SYNE1: variants seen among roughly 807,000 people sequenced by gnomAD.
SYNE1 encodes spectrin repeat containing nuclear envelope protein 1.
Under a neutral mutation model 1,111.0 loss-of-function variants are expected in SYNE1, and 616 were observed. The ratio of observed to expected loss-of-function variants is 0.55; its 90% CI spans 0.52 to 0.59. The LOEUF is 0.59. Among genes scored for constraint, SYNE1 ranks in the 20% least tolerant of loss-of-function variants. SYNE1 has a pLI of 0.00. For synonymous variants in SYNE1, 3,855 were observed against 3,825.8 expected (o/e 1.01, Z -0.28); for missense variants, 10,006 against 10,417.0 (o/e 0.96, Z 1.72).
intron 19 of SYNE1, 98 bp from the exon 20 acceptor site, chr6:152,462,988 C>G: frequency 7.0e-7 from 1 of 1,423,438 alleles, no homozygotes; most frequent in Non-Finnish European, 9.8e-7. Context: ...GAATTGTTAT[C>G]CGGTAAGAAA....
chr6:152,406,881 T>C lies in SYNE1; in HGVS notation c.6723+133A>G, dbSNP rs1261981742. The C allele has an allele frequency of 1.2e-5, 6 of 520,766 alleles. No homozygotes were observed. The African/African-American group carries it at 1.3e-4, about 11-fold the overall frequency. The allele number at this position is 520,766 out of a possible 1,614,324, so 32.3% of individuals were successfully genotyped here. On this transcript the variant is annotated intron_variant, in intron 45 of 145. Transcript: ENST00000367255. ...AGCAAAACTTTGCCTAAAATAATAA[T>C]AATATAATAATAAAATAAAATAAAA...
chr6:152,473,919 C>T (rs1165337279), intron 14 of SYNE1, among the ~76,000 whole-genome samples: 1 of 152,138 alleles, frequency 6.6e-6, no homozygotes, highest in Non-Finnish European at 1.5e-5. Context: ...GGTGTGGTGG[C>T]TCATGTCTGT....
chr6:152,269,536 T>C lies in SYNE1; in HGVS notation c.18574-250A>G, dbSNP rs142203928. Among the ~76,000 whole-genome samples, 1,126 of 152,334 alleles carry C rather than the reference T, an allele frequency of 7.4e-3. 14 individuals are homozygous for C. Among genetic ancestry groups the C allele is most frequent in the African/African-American group, 0.025 (1,046 of 41,574 alleles). On this transcript the variant is annotated intron_variant, in intron 98 of 145. Coordinates refer to ENST00000367255, the MANE Select transcript of SYNE1 (RefSeq NM_182961.4). The stretch of plus-strand genomic sequence containing the variant: ...GGGGAAAACCCATATATTTAGAGGT[T>C]AGTCTTTTAGCTGACCAATGTGGTC...
At chr6:152,131,815 G>T (rs541187788) in intron 144 of SYNE1, among the ~76,000 whole-genome samples, 1 of 152,192 alleles carries the variant, frequency 6.6e-6, no homozygotes, top group African/African-American at 2.4e-5. Context: ...CTTGAAGAAA[G>T]GAGCCACCAA....
At chr6:152,183,660 C>A (rs1281201045) in intron 128 of SYNE1, among the ~76,000 whole-genome samples, 12 of 152,314 alleles carry the variant, frequency 7.9e-5, no homozygotes, top group African/African-American at 2.9e-4. Context: ...ACTCCTTACA[C>A]TGCCCCCGAA....
rs560211382 is a variant in SYNE1 at position 152,380,959 on chromosome 6, C to T, written c.9009+47G>A. On this transcript the variant is annotated intron_variant, in intron 56 of 145. Transcript: ENST00000367255. Reference sequence around the variant, plus strand: ...TTTTAAGGAATGATGAAAGTCAAAACATTTTTTAAAGCATAACCACCAATA... The same window carrying T: ...TTTTAAGGAATGATGAAAGTCAAAATATTTTTTAAAGCATAACCACCAATA... 1.2e-4 allele frequency: 189 copies of T among 1,580,962 alleles called. 4 individuals carry two copies. In the South Asian group the frequency reaches 2.0e-3, roughly 17 times the overall value.
In SYNE1 at chr6:152,168,328, G is replaced by T. The variant is rs1463773319; in HGVS notation, c.23628-4003C>A. The T allele has an allele frequency of 5.0e-6, 3 of 598,782 alleles. No homozygotes were observed. In the East Asian group the frequency reaches 8.3e-5, roughly 16 times the overall value. 37.1% of individuals were successfully genotyped at this position (598,782 alleles called of 1,614,324 possible). On this transcript the variant is annotated intron_variant, in intron 130 of 145. Coordinates refer to ENST00000367255, the MANE Select transcript of SYNE1 (RefSeq NM_182961.4). ...TGCTCACTGTAGACAAATGTTGGTA[G>T]TCTCTGCCCGATAACATGACACTGG...
At chr6:152,176,678 G>T in intron 129 of SYNE1, 118 bp from the exon 130 acceptor site, 1 of 1,017,740 alleles carries the variant, frequency 9.8e-7, no homozygotes, top group Non-Finnish European at 1.5e-6. Flanking sequence ...TTTGAGCATA[G>T]GAATACCATG....
chr6:152,274,295 A>T (rs1253515457), intron 98 of SYNE1, among the ~76,000 whole-genome samples: 1 of 152,166 alleles, frequency 6.6e-6, no homozygotes, highest in Non-Finnish European at 1.5e-5. Flanking sequence ...TTTACCCAAC[A>T]CAGAGTTCAA....
Position 152,293,703 on chromosome 6 carries a change from T to C in SYNE1, c.17897A>G (p.Gln5966Arg). Residue 5966 changes from glutamine (Q) to arginine (R), a missense_variant, in exon 95 of 146, where the codon CAG becomes CGG. Coordinates refer to ENST00000367255, the MANE Select transcript of SYNE1 (RefSeq NM_182961.4). ...GGACTGGAGGGAGTCCTGGTACTTC[T>C]GCTGGCGTTCCAAAGCTTCATAGAG... ...RTLYEALERQ[Q>R]KYQDSLQSIS... 1.9e-6 allele frequency: 3 copies of C among 1,614,152 alleles called. No individual in the cohort carries two copies. Among genetic ancestry groups the C allele is most frequent in the Non-Finnish European group, 2.5e-6 (3 of 1,180,018 alleles).
rs535951024 is a variant in SYNE1 at position 152,213,768 on chromosome 6, A to C, written c.22347-9T>G. ...AAAATGACTGCAACTTGCTGAAAGA[A>C]CAAAGGGCAAGGAACAATGGTTATT... On this transcript the variant is annotated splice_polypyrimidine_tract_variant and intron_variant, in intron 122 of 145. Transcript: ENST00000367255. 6.2e-7 allele frequency: 1 copy of C among 1,614,078 alleles called. No individual in the cohort carries two copies. The highest frequency in any genetic ancestry group is 1.1e-5 in the South Asian group (1 of 91,082).
intron 55 of SYNE1, among the ~76,000 whole-genome samples, chr6:152,383,113 A>C (rs1051273992): frequency 2.6e-5 from 4 of 152,174 alleles, no homozygotes; most frequent in Non-Finnish European, 2.9e-5. Flanking sequence ...ACACTAACCT[A>C]CATTCAGGCT....
At chr6:152,379,850 G>A (rs374807108) in intron 56 of SYNE1, among the ~76,000 whole-genome samples, 6 of 152,126 alleles carry the variant, frequency 3.9e-5, no homozygotes, top group African/African-American at 1.4e-4. Flanking sequence ...GAATAGTAAT[G>A]TAATCTAGGC....
At chr6:152,495,979 G>A (rs953274573) in intron 11 of SYNE1, among the ~76,000 whole-genome samples, 9 of 152,116 alleles carry the variant, frequency 5.9e-5, no homozygotes, top group Non-Finnish European at 1.5e-5. Flanking sequence ...CTAGGAGTCT[G>A]GGTACAAGAC....
chr6:152,573,607 G>A (rs1298667791), intron 3 of SYNE1, among the ~76,000 whole-genome samples: 12 of 152,022 alleles, frequency 7.9e-5, no homozygotes, highest in Admixed American at 1.3e-4. Flanking sequence ...AGGAAAAAAT[G>A]TTCAAGAAGA....
In SYNE1 at chr6:152,353,634, G is replaced by C; in HGVS notation, c.11037C>G (p.Ala3679=). 1 of 1,614,160 alleles carries C rather than the reference G, an allele frequency of 6.2e-7. No individual in the cohort carries two copies. Residue 3679 remains alanine (A), a synonymous_variant, in exon 68 of 146, where the codon GCC becomes GCG. Coordinates refer to ENST00000367255, the MANE Select transcript of SYNE1 (RefSeq NM_182961.4). ...SHVNSRMGCQ[A]TQLTSRYQAL... Reference sequence around the variant, plus strand: ...CCTGGTATCTGGAAGTCAGCTGGGTGGCCTGGCAACCCATTCTGCTGTTCA... The same window carrying C: ...CCTGGTATCTGGAAGTCAGCTGGGTCGCCTGGCAACCCATTCTGCTGTTCA...
intron 89 of SYNE1, 123 bp downstream of exon 89, chr6:152,310,273 C>A (rs1337549636): frequency 1.4e-6 from 2 of 1,407,964 alleles, no homozygotes; most frequent in Non-Finnish European, 1.9e-6. Context: ...GATACCCTGT[C>A]TCTATTTAAA....
intron 4 of SYNE1, among the ~76,000 whole-genome samples, chr6:152,528,851 A>G (rs955785454): frequency 6.6e-6 from 1 of 152,196 alleles, no homozygotes; most frequent in Non-Finnish European, 1.5e-5. Flanking sequence ...TCTATTGATA[A>G]TAAATATGAA....
chr6:152,627,616 T>A (rs1015808010), intron 3 of SYNE1, among the ~76,000 whole-genome samples: 1 of 151,998 alleles, frequency 6.6e-6, no homozygotes, highest in Middle Eastern at 3.2e-3. Flanking sequence ...GAGATAGTGC[T>A]ACTGCCCTCC....
Sources: gnomAD v4.1 joint callset for allele counts (sites outside exome capture counted in the v4.1 genomes callset) on GRCh38, gnomAD v4.1.1 for gene constraint, MANE v1.5 for transcripts, NCBI Gene and HGNC (gene_info 2026-07-23, HGNC 2026-07-21) for gene names.